The following DSCAM variants were observed in gnomAD, a reference collection of about 807,000 sequenced individuals.
The protein encoded by DSCAM is DS cell adhesion molecule, also known as cell adhesion molecule DSCAM.
A neutral mutation model predicts 217.7 loss-of-function variants in DSCAM; 47 were observed. The ratio of observed to expected loss-of-function variants is 0.22; its 90% CI spans 0.17 to 0.28. The LOEUF (loss-of-function observed/expected upper bound fraction) is 0.28. Among genes scored for constraint, DSCAM ranks in the 10% least tolerant of loss-of-function variants. The pLI, the probability that DSCAM is intolerant of heterozygous loss-of-function variation, is 1.00. For synonymous variants in DSCAM, 1,056 were observed against 1,015.3 expected (o/e 1.04, Z -0.76); for missense variants, 2,080 against 2,618.3 (o/e 0.79, Z 4.49).
At chr21:40,132,042 T>C (rs1264827062) in intron 19 of DSCAM, among the ~76,000 whole-genome samples, 2 of 152,224 alleles carry the variant, frequency 1.3e-5, no homozygotes, top group Non-Finnish European at 2.9e-5. Context: ...AAAATGCAGA[T>C]GCAAAACATT....
At chr21:40,728,743 G>T (rs529037089) in intron 1 of DSCAM, among the ~76,000 whole-genome samples, 1 of 152,094 alleles carries the variant, frequency 6.6e-6, no homozygotes, top group Non-Finnish European at 1.5e-5. Flanking sequence ...TCTGAATGCC[G>T]CCTCTCCATT....
intron 1 of DSCAM, among the ~76,000 whole-genome samples, chr21:40,723,090 C>CTTT (rs3071003): frequency 1.2e-3 from 168 of 139,596 alleles, no homozygotes; most frequent in African/African-American, 3.9e-3. Flanking sequence ...CTCTCTCGCT[C>CTTT]TTTTTTTTTT....
chr21:40,175,780 TACACACACACACACACACACACACAC>T (rs35339524), intron 15 of DSCAM, among the ~76,000 whole-genome samples: 2 of 144,850 alleles, frequency 1.4e-5, no homozygotes, highest in Non-Finnish European at 3.0e-5. Context: ...AACACACACA[TACACACACACACACACACACACACAC>T]ACGCACACAC....
chr21:40,169,315 G>A (rs1052750126), intron 15 of DSCAM, among the ~76,000 whole-genome samples: 3 of 152,178 alleles, frequency 2.0e-5, no homozygotes, highest in African/African-American at 7.2e-5. Context: ...AAGCCAAGCA[G>A]GAAATCAGAA....
At chr21:40,563,030 G>A (rs550058059) in intron 3 of DSCAM, among the ~76,000 whole-genome samples, 6 of 152,158 alleles carry the variant, frequency 3.9e-5, no homozygotes, top group South Asian at 2.1e-4. Flanking sequence ...AGAGACAATC[G>A]CCCGGATTTG....
intron 2 of DSCAM, among the ~76,000 whole-genome samples, chr21:40,707,304 A>G (rs2146480375): frequency 6.6e-6 from 1 of 152,346 alleles, no homozygotes; most frequent in Middle Eastern, 3.4e-3. Context: ...AGGTCCCTAT[A>G]CAAATTGCAT....
At chr21:40,382,464 G>A (rs1202874804) in intron 3 of DSCAM, among the ~76,000 whole-genome samples, 4 of 152,146 alleles carry the variant, frequency 2.6e-5, no homozygotes, top group Non-Finnish European at 1.5e-5. Context: ...ATTTATAATG[G>A]GAATAGCAGA....
chr21:40,275,986 T>C, intron 11 of DSCAM, 111 bp downstream of exon 11: 1 of 1,145,162 alleles, frequency 8.7e-7, no homozygotes, highest in South Asian at 2.5e-5. Flanking sequence ...CACCAACGGG[T>C]CTTCTTTTGT....
chr21:40,062,164 TA>T (rs892452425), intron 28 of DSCAM, among the ~76,000 whole-genome samples: 32 of 152,178 alleles, frequency 2.1e-4, no homozygotes, highest in Non-Finnish European at 4.3e-4. Flanking sequence ...GACGTGAAAG[TA>T]ACACACTTGT....
At chr21:40,704,425 A>C (rs2090690415) in intron 2 of DSCAM, among the ~76,000 whole-genome samples, 2 of 152,354 alleles carry the variant, frequency 1.3e-5, no homozygotes, top group East Asian at 3.9e-4. Context: ...ATGTTAAAGA[A>C]AAATTGTAGC....
At chr21:40,696,229 C>T (rs1235703062) in intron 2 of DSCAM, among the ~76,000 whole-genome samples, 1 of 152,204 alleles carries the variant, frequency 6.6e-6, no homozygotes, top group Non-Finnish European at 1.5e-5. Flanking sequence ...CTGTGGTGCT[C>T]TGAACCCCAG....
chr21:40,792,654 G>A (rs2091656319), intron 1 of DSCAM, among the ~76,000 whole-genome samples: 1 of 152,166 alleles, frequency 6.6e-6, no homozygotes, highest in African/African-American at 2.4e-5. Flanking sequence ...GAATCACAAA[G>A]TCAGGGGTCT....
At chr21:40,373,062 C>A (rs560501807) in intron 3 of DSCAM, among the ~76,000 whole-genome samples, 1 of 152,118 alleles carries the variant, frequency 6.6e-6, no homozygotes, top group South Asian at 2.1e-4. Context: ...CCCATTGTCA[C>A]GGAGCTGAGC....
chr21:40,078,641 AT>A, intron 26 of DSCAM, 45 bp downstream of exon 26: 2 of 1,586,028 alleles, frequency 1.3e-6, no homozygotes, highest in Non-Finnish European at 1.7e-6. Flanking sequence ...CCACGTGCAC[AT>A]CCCCCAAGAC....
intron 3 of DSCAM, among the ~76,000 whole-genome samples, chr21:40,505,171 T>C (rs2076200327): frequency 6.6e-6 from 1 of 152,178 alleles, no homozygotes; most frequent in Admixed American, 6.5e-5. Context: ...GAAAAATCAG[T>C]GGAAGTGGAT....
chr21:40,281,302 G>A (rs1459853834), intron 10 of DSCAM, among the ~76,000 whole-genome samples: 2 of 152,104 alleles, frequency 1.3e-5, no homozygotes, highest in Non-Finnish European at 1.5e-5. Flanking sequence ...GTATTGGTAT[G>A]GCTTATAGTA....
At chr21:40,468,220 T>C (rs1173153707) in intron 3 of DSCAM, among the ~76,000 whole-genome samples, 1 of 152,200 alleles carries the variant, frequency 6.6e-6, no homozygotes, top group African/African-American at 2.4e-5. Flanking sequence ...CTTTCCCCAA[T>C]ATCTGCCCTT....
intron 11 of DSCAM, among the ~76,000 whole-genome samples, chr21:40,220,564 A>G (rs956600010): frequency 3.9e-5 from 6 of 152,212 alleles, no homozygotes; most frequent in Non-Finnish European, 1.5e-5. Flanking sequence ...AATAGACTAT[A>G]AAGAAATTTG....
intron 9 of DSCAM, among the ~76,000 whole-genome samples, chr21:40,299,278 A>G (rs1167756650): frequency 2.6e-5 from 4 of 152,228 alleles, no homozygotes; most frequent in Non-Finnish European, 5.9e-5. Context: ...CAAATCATAT[A>G]CATTTCCTTT....
Sources: gnomAD v4.1 joint callset for allele counts (sites outside exome capture counted in the v4.1 genomes callset) on GRCh38, gnomAD v4.1.1 for gene constraint, MANE v1.5 for transcripts, NCBI Gene and HGNC (gene_info 2026-07-23, HGNC 2026-07-21) for gene names.